Variants in SLC2A14 observed in about 807,000 individuals in gnomAD.
SLC2A14 encodes solute carrier family 2, facilitated glucose transporter member 14.
A neutral mutation model predicts 43.0 loss-of-function variants in SLC2A14; 13 were observed. The ratio of observed to expected loss-of-function variants is 0.30; its 90% confidence interval spans 0.20 to 0.48. The LOEUF (loss-of-function observed/expected upper bound fraction) is 0.48, where lower values mean the gene tolerates loss of function less well. SLC2A14 is among the 20% of genes least tolerant of loss of function. The probability of loss-of-function intolerance (pLI) is 0.99; values close to 1 mark genes in which losing one functional copy is unlikely to be tolerated. For synonymous variants in SLC2A14, 190 were observed against 233.8 expected, an observed-to-expected ratio of 0.81 and a Z score of 1.71; for missense variants, 428 against 620.4, an observed-to-expected ratio of 0.69 and a Z score of 3.29.
intron 1 of SLC2A14, chr12:7,870,948 T>C: frequency 7.7e-6 from 11 of 1,429,756 alleles, no homozygotes; most frequent in Non-Finnish European, 1.0e-5. Flanking sequence ...CAGTTCCACA[T>C]CCAGGAGTTT....
upstream of SLC2A14, chr12:7,891,180 AC>A (rs1312808716): frequency 1.3e-6 from 2 of 1,505,060 alleles, no homozygotes. Flanking sequence ...CCCAGTGCAG[AC>A]CCAGGAGCAG....
intron 1 of SLC2A14, among the ~76,000 whole-genome samples, chr12:7,870,256 AT>A (rs1945151448): frequency 6.6e-6 from 1 of 152,148 alleles, no homozygotes; most frequent in South Asian, 2.1e-4. Flanking sequence ...CAGTTTCCCC[AT>A]CTGCAAAATG....
intron 2 of SLC2A14, among the ~76,000 whole-genome samples, chr12:7,840,401 C>T (rs901540438): frequency 4.6e-5 from 7 of 151,806 alleles, no homozygotes; most frequent in African/African-American, 1.7e-4. Flanking sequence ...TTTTTTGAGA[C>T]AGAATTTCGC....
intron 1 of SLC2A14, chr12:7,890,810 G>C: frequency 2.1e-6 from 1 of 466,894 alleles, no homozygotes; most frequent in Admixed American, 3.9e-5. Context: ...CAAAGCTTCT[G>C]GTACCTGCCC....
At chr12:7,826,363 A>C (rs1043969694) in intron 7 of SLC2A14, among the ~76,000 whole-genome samples, 3 of 152,016 alleles carry the variant, frequency 2.0e-5, no homozygotes, top group Admixed American at 6.6e-5. Flanking sequence ...CTCCTTGTAC[A>C]TTCTGATAAA....
At position 7,891,004 on chromosome 12, in the gene SLC2A14, C is replaced by T. The variant is rs187696090; in HGVS notation, c.124G>A (p.Gly42Arg). The T allele has an allele frequency of 6.9e-5, 106 of 1,534,556 alleles. No individual in the cohort carries two copies. In the African/African-American group the frequency reaches 1.1e-3, roughly 15 times the overall value. Residue 42 changes from glycine to arginine, a missense_variant, in exon 1 of 10, where the codon GGG (glycine) becomes AGG (arginine). Gly to Arg is a moderately radical substitution (Grantham distance 125). Coordinates refer to the SLC2A14 transcript ENST00000539924. ...TATCTAGTTCCACTTACCTCCTCCC[C>T]GACGCCCCCATTCTGACTCTTCTCC... is the stretch of plus-strand genomic sequence containing the variant.
intron 2 of SLC2A14, among the ~76,000 whole-genome samples, chr12:7,860,096 C>T (rs762393175): frequency 1.3e-5 from 2 of 152,102 alleles, no homozygotes; most frequent in African/African-American, 4.8e-5. Context: ...AGCTGGTTAG[C>T]AGTTGGCCAC....
At chr12:7,815,886 T>TG (rs1555115995) in intron 10 of SLC2A14, among the ~76,000 whole-genome samples, 1 of 149,314 alleles carries the variant, frequency 6.7e-6, no homozygotes, top group South Asian at 2.2e-4. Flanking sequence ...AGTTTTGTTT[T>TG]TTTTTGTTTT....
Position 7,831,590 on chromosome 12 carries a change from T to C in SLC2A14, c.272+14A>G, listed in dbSNP as rs1252602242. On this transcript the variant is annotated intron_variant, in intron 4 of 10. Coordinates refer to ENST00000431042, the MANE Select transcript of SLC2A14 (RefSeq NM_001286234.2). ...TGGTAGAGCCCACTTCCTTGCCCAGTTTCTAGTCAATACCTGCCAAAGCGG... is the reference window on the plus strand; with the variant it reads ...TGGTAGAGCCCACTTCCTTGCCCAGCTTCTAGTCAATACCTGCCAAAGCGG... 3.1e-6 allele frequency: 5 copies of C among 1,613,720 alleles called. No homozygotes were observed. Among genetic ancestry groups the C allele is most frequent in the Non-Finnish European group, 3.4e-6 (4 of 1,179,968 alleles).
At chr12:7,871,035 A>T in intron 1 of SLC2A14, 1 of 1,425,744 alleles carries the variant, frequency 7.0e-7, no homozygotes, top group Non-Finnish European at 9.4e-7. Context: ...AGCTGGCTTC[A>T]CCGCGGAAGA....
chr12:7,868,473 C>G, intron 2 of SLC2A14, among the ~76,000 whole-genome samples: 1 of 152,134 alleles, frequency 6.6e-6, no homozygotes, highest in Middle Eastern at 3.2e-3. Context: ...TAATCAAAAT[C>G]CTCCCCGTCC....
upstream of SLC2A14, among the ~76,000 whole-genome samples, chr12:7,876,899 G>A (rs932074053): frequency 3.3e-5 from 5 of 151,538 alleles, no homozygotes; most frequent in African/African-American, 1.2e-4. Context: ...ATATAAGAGA[G>A]TTCATATAAT....
intron 5 of SLC2A14, among the ~76,000 whole-genome samples, chr12:7,829,325 C>T (rs985668467): frequency 6.6e-5 from 10 of 151,894 alleles, no homozygotes; most frequent in Non-Finnish European, 1.2e-4. Context: ...TTTGGGAGGC[C>T]GAGGCGGGTG....
chr12:7,877,147 C>T (rs887319982), upstream of SLC2A14, among the ~76,000 whole-genome samples: 9 of 151,588 alleles, frequency 5.9e-5, no homozygotes, highest in African/African-American at 1.9e-4. Context: ...GGATTACAGG[C>T]GCATGCCACT....
chr12:7,884,943 CTATT>C (rs773371494), intron 1 of SLC2A14, among the ~76,000 whole-genome samples: 4 of 151,960 alleles, frequency 2.6e-5, no homozygotes, highest in Admixed American at 6.6e-5. Flanking sequence ...AAGGTCAGGA[CTATT>C]TTTTTTTTCC....
At chr12:7,822,999 T>C (rs7964399) in intron 7 of SLC2A14, among the ~76,000 whole-genome samples, 2,921 of 152,318 alleles carry the variant, frequency 0.019, 83 homozygotes, top group African/African-American at 0.066. Context: ...CCTTTTGAAG[T>C]GTTTTATGAA....
chr12:7,872,926 A>G, upstream of SLC2A14: 2 of 985,366 alleles, frequency 2.0e-6, no homozygotes, highest in Non-Finnish European at 1.2e-6. Flanking sequence ...TGCCTCGAAA[A>G]GCCTAGGATT....
chr12:7,866,486 T>G (rs1944920599), intron 2 of SLC2A14, among the ~76,000 whole-genome samples: 1 of 151,968 alleles, frequency 6.6e-6, no homozygotes, highest in Non-Finnish European at 1.5e-5. Flanking sequence ...TGCCTCAGCC[T>G]CCCAAGTAGC....
intron 1 of SLC2A14, among the ~76,000 whole-genome samples, chr12:7,882,029 A>AT (rs1027236198): frequency 1.3e-3 from 194 of 152,232 alleles, no homozygotes; most frequent in African/African-American, 4.6e-3. Flanking sequence ...AGATAAGAGA[A>AT]TAAAAGCAGG....
Sources: gnomAD v4.1 joint callset for allele counts (sites outside exome capture counted in the v4.1 genomes callset) on GRCh38, gnomAD v4.1.1 for gene constraint, MANE v1.5 for transcripts, NCBI Gene and HGNC (gene_info 2026-07-23, HGNC 2026-07-21) for gene names.